Variants in PACRG observed in about 807,000 individuals in gnomAD.
PACRG encodes parkin coregulated gene protein.
In PACRG, 29 loss-of-function variants were observed where a neutral mutation model predicts 29.7. The ratio of observed to expected loss-of-function variants is 0.98; its 90% CI spans 0.73 to 1.33. The LOEUF (loss-of-function observed/expected upper bound fraction) is 1.33, where lower values mean the gene tolerates loss of function less well. Ranked by LOEUF, PACRG falls within the 40% of genes most tolerant of loss-of-function variation. PACRG has a pLI of 0.00. For missense variants in PACRG, 279 were observed against 316.2 expected (o/e 0.88, Z 0.89); for synonymous variants, 116 against 118.7 (o/e 0.98, Z 0.15).
At chr6:162,850,912 G>A (rs13209887) in intron 2 of PACRG, among the ~76,000 whole-genome samples, 11,277 of 152,244 alleles carry the variant, frequency 0.074, 707 homozygotes, top group South Asian at 0.23. Context: ...AGTCTTGCGG[G>A]CCTGAGCCCC....
At chr6:162,757,298 T>C (rs1782001445) in intron 1 of PACRG, among the ~76,000 whole-genome samples, 3 of 152,210 alleles carry the variant, frequency 2.0e-5, no homozygotes, top group Non-Finnish European at 2.9e-5. Context: ...TCTTTTTGAA[T>C]ATCACTGTCT....
chr6:163,046,663 T>C (rs1421466617), intron 2 of PACRG: 1 of 152,104 alleles, frequency 6.6e-6, no homozygotes, highest in Admixed American at 6.6e-5. Context: ...ATTGATTCAT[T>C]CTTTCGACAA....
chr6:162,923,617 T>G (rs1432053226), intron 2 of PACRG, among the ~76,000 whole-genome samples: 1 of 152,170 alleles, frequency 6.6e-6, no homozygotes, highest in Non-Finnish European at 1.5e-5. Context: ...GAGTGTGTCA[T>G]TTCCCCAATG....
At chr6:163,053,694 A>G (rs1810261982) in intron 2 of PACRG, among the ~76,000 whole-genome samples, 1 of 152,214 alleles carries the variant, frequency 6.6e-6, no homozygotes, top group African/African-American at 2.4e-5. Flanking sequence ...TATTTACAGA[A>G]TACATAAAGT....
At chr6:163,197,093 A>T (rs1780490835) in intron 4 of PACRG, among the ~76,000 whole-genome samples, 1 of 152,228 alleles carries the variant, frequency 6.6e-6, no homozygotes, top group South Asian at 2.1e-4. Context: ...CTAAACTTTT[A>T]AAAACTTGAA....
chr6:163,270,503 T>C (rs1015988335), intron 4 of PACRG, among the ~76,000 whole-genome samples: 6 of 151,804 alleles, frequency 4.0e-5, no homozygotes, highest in African/African-American at 1.5e-4. Context: ...CTCAAGTAGC[T>C]GGGACTAAAG....
intron 4 of PACRG, among the ~76,000 whole-genome samples, chr6:163,268,154 A>C (rs1783600586): frequency 2.0e-5 from 3 of 152,112 alleles, no homozygotes; most frequent in Non-Finnish European, 4.4e-5. Flanking sequence ...TAATCCCAGC[A>C]CTCTGGGAGG....
In PACRG at chr6:162,937,521, A is replaced by C. The variant is rs114865819; in HGVS notation, c.291+123240A>C. ...CACAGGCGGTGAGCAGCATCTTCAC[A>C]TCTATGTCTCGGGTGTTACTTTCTA... On this transcript the variant is annotated intron_variant, in intron 2 of 4. Coordinates refer to ENST00000366888, the MANE Select transcript of PACRG (RefSeq NM_001080379.2). 3.4e-3 allele frequency among the ~76,000 whole-genome samples: 522 copies of C among 152,298 alleles called. 2 individuals are homozygous for C. The highest frequency in any genetic ancestry group is 0.012 in the African/African-American group (501 of 41,546).
At chr6:163,256,909 T>G (rs1783133404) in intron 4 of PACRG, among the ~76,000 whole-genome samples, 2 of 152,188 alleles carry the variant, frequency 1.3e-5, no homozygotes, top group Admixed American at 1.3e-4. Flanking sequence ...CGAGAGGCTC[T>G]GAGGGAGACT....
At chr6:163,125,774 A>G (rs911890950) in intron 4 of PACRG, among the ~76,000 whole-genome samples, 2 of 152,218 alleles carry the variant, frequency 1.3e-5, no homozygotes, top group African/African-American at 4.8e-5. Flanking sequence ...TTTTAATACT[A>G]AGTGTGTATA....
chr6:163,176,855 G>A (rs539945630), intron 4 of PACRG, among the ~76,000 whole-genome samples: 1 of 152,250 alleles, frequency 6.6e-6, no homozygotes, highest in Admixed American at 6.5e-5. Flanking sequence ...CTGGAGAGAG[G>A]GAAAGTCAAG....
intron 2 of PACRG, among the ~76,000 whole-genome samples, chr6:163,007,208 CT>C (rs1805197182): frequency 6.6e-6 from 1 of 151,938 alleles, no homozygotes; most frequent in African/African-American, 2.4e-5. Context: ...TCCATTTTCC[CT>C]CTTAACCTTT....
At chr6:162,857,193 G>A (rs1791472863) in intron 2 of PACRG, among the ~76,000 whole-genome samples, 1 of 152,230 alleles carries the variant, frequency 6.6e-6, no homozygotes, top group African/African-American at 2.4e-5. Flanking sequence ...AGTTCACAGA[G>A]TATAGCCCAG....
intron 1 of PACRG, among the ~76,000 whole-genome samples, chr6:162,780,747 A>G (rs530256559): frequency 1.3e-5 from 2 of 152,256 alleles, no homozygotes; most frequent in East Asian, 1.9e-4. Context: ...GGGAACTACA[A>G]TATCTAAGAT....
At chr6:163,179,845 G>A (rs531812752) in intron 4 of PACRG, among the ~76,000 whole-genome samples, 14 of 152,164 alleles carry the variant, frequency 9.2e-5, no homozygotes, top group East Asian at 1.9e-4. Flanking sequence ...ATTCTCCCCC[G>A]TTCACTTACA....
intron 3 of PACRG, among the ~76,000 whole-genome samples, chr6:163,067,149 C>T (rs1184766770): frequency 1.3e-5 from 2 of 152,116 alleles, no homozygotes; most frequent in Non-Finnish European, 1.5e-5. Context: ...TGTAGCACCG[C>T]TTCCCAAGCT....
At chr6:162,879,632 G>A (rs1416845559) in intron 2 of PACRG, among the ~76,000 whole-genome samples, 1 of 152,224 alleles carries the variant, frequency 6.6e-6, no homozygotes, top group East Asian at 1.9e-4. Context: ...GTAAATAGGA[G>A]GCTTCATTCA....
intron 3 of PACRG, among the ~76,000 whole-genome samples, chr6:163,066,358 C>G (rs1431324893): frequency 6.6e-6 from 1 of 152,202 alleles, no homozygotes; most frequent in East Asian, 1.9e-4. Flanking sequence ...CAGTATCCCT[C>G]TGTCCTTCAT....
intron 2 of PACRG, among the ~76,000 whole-genome samples, chr6:163,028,933 C>A (rs1807399689): frequency 6.6e-6 from 1 of 152,210 alleles, no homozygotes; most frequent in South Asian, 2.1e-4. Context: ...TGTGAACATG[C>A]CGTCCTACAC....
Sources: allele counts gnomAD v4.1 joint callset (sites outside exome capture counted in the v4.1 genomes callset), GRCh38; gene constraint gnomAD v4.1.1; transcripts MANE v1.5; gene names NCBI Gene and HGNC (gene_info 2026-07-23, HGNC 2026-07-21).